Variants in GML observed in about 807,000 individuals in gnomAD.
GML encodes the protein glycosylphosphatidylinositol anchored molecule like.
In GML, 5 loss-of-function variants were observed where a neutral mutation model predicts 8.2. The observed-to-expected ratio is 0.61, with a 90% CI of 0.32 to 1.28. GML has a LOEUF of 1.28. Ranked by LOEUF, GML falls within the 50% of genes most tolerant of loss-of-function variation. The probability of loss-of-function intolerance (pLI) is 0.06; values close to 1 mark genes in which losing one functional copy is unlikely to be tolerated. For synonymous variants in GML, 72 were observed against 69.0 expected (o/e 1.04, Z -0.22); for missense variants, 191 against 198.3 (o/e 0.96, Z 0.22).
intron 1 of GML, among the ~76,000 whole-genome samples, chr8:142,838,770 C>G (rs1213473793): frequency 6.6e-6 from 1 of 152,180 alleles, no homozygotes; most frequent in African/African-American, 2.4e-5. Context: ...CACCTTGGCC[C>G]TGGCTCTGTC....
chr8:142,841,090 G>A, intron 2 of GML, 28 bp from the exon 3 acceptor site: 5 of 1,054,896 alleles, frequency 4.7e-6, no homozygotes, highest in Non-Finnish European at 7.5e-6. Context: ...TGGAGCAGAA[G>A]CCTGAAGCCT....
At chr8:142,841,468 C>T (rs1439486345) in intron 3 of GML, among the ~76,000 whole-genome samples, 1 of 152,224 alleles carries the variant, frequency 6.6e-6, no homozygotes, top group Non-Finnish European at 1.5e-5. Context: ...TCTGCAGCGT[C>T]TCCAGGGGGT....
chr8:142,836,705 A>G (rs536918721), intron 1 of GML, among the ~76,000 whole-genome samples: 1 of 152,300 alleles, frequency 6.6e-6, no homozygotes, highest in Non-Finnish European at 1.5e-5. Context: ...TCCTCTCTCC[A>G]GGAGCCTGTG....
chr8:142,835,945 A>C (rs1380175264), intron 1 of GML, among the ~76,000 whole-genome samples: 1 of 152,238 alleles, frequency 6.6e-6, no homozygotes, highest in Non-Finnish European at 1.5e-5. Flanking sequence ...TATTTCTTGT[A>C]GTGGGTCTGC....
At position 142,841,190 on chromosome 8, in the gene GML, C is replaced by G. The variant is rs768613353; in HGVS notation, c.146C>G (p.Pro49Arg). Reference sequence around the variant, plus strand: ...AACTGTCCCAACATTAGAGTATGTCCGTATCATATTAGGCGCTGTATGACA... The same window carrying G: ...AACTGTCCCAACATTAGAGTATGTCGGTATCATATTAGGCGCTGTATGACA... ...DFNCPNIRVC[P>R]YHIRRCMTIS... is the part of the protein sequence containing the mutation. The change falls in exon 3 of 4, where the codon CCG becomes CGG. Residue 49 changes from proline (P) to arginine (R), a missense_variant. Pro to Arg is a moderately radical substitution (Grantham distance 103, BLOSUM62 -2). Transcript: ENST00000220940. 1 of 1,563,480 alleles carries G rather than the reference C, an allele frequency of 6.4e-7. No homozygotes were observed. Among genetic ancestry groups the G allele is most frequent in the East Asian group, 2.2e-5 (1 of 44,552 alleles).
Position 142,840,478 on chromosome 8 carries a change from T to C in GML, c.41T>C (p.Leu14Ser). ...TTACTCCTAGCCATGGAGCTCCCAT[T>C]GGTGGCAGCCAGTGCCACCATGCGC... is the stretch of plus-strand genomic sequence containing the variant. Reference protein sequence around the residue: ...FALLLAMELPLVAASATMRAQ... With the variant: ...FALLLAMELPSVAASATMRAQ... The change falls in exon 2 of 4, where the codon TTG becomes TCG. Residue 14 changes from leucine to serine, a missense_variant. By Grantham distance (145) the Leu-to-Ser change is moderately radical (BLOSUM62 -2). Coordinates refer to ENST00000220940, the MANE Select transcript of GML (RefSeq NM_002066.3). The C allele has an allele frequency of 1.2e-6, 2 of 1,613,592 alleles. No individual in the cohort carries two copies. The highest frequency in any genetic ancestry group is 1.7e-6 in the Non-Finnish European group (2 of 1,179,428).
intron 1 of GML, among the ~76,000 whole-genome samples, chr8:142,837,833 C>T (rs200839819): frequency 0.1 from 14,078 of 135,826 alleles, 936 homozygotes; most frequent in East Asian, 0.4. Flanking sequence ...TTCTACTTGG[C>T]CTTCTCTGAC....
chr8:142,843,134 A>G (rs898338937), intron 3 of GML, among the ~76,000 whole-genome samples: 3 of 152,174 alleles, frequency 2.0e-5, no homozygotes, highest in Non-Finnish European at 2.9e-5. Flanking sequence ...AAAGACCTCT[A>G]TGGAAAGAAA....
chr8:142,841,689 G>T (rs565626313), intron 3 of GML, among the ~76,000 whole-genome samples: 107 of 152,318 alleles, frequency 7.0e-4, no homozygotes, highest in African/African-American at 1.2e-3. Context: ...TGAGGTCAGG[G>T]CACAGCCTGC....
chr8:142,839,637 T>C (rs2130217368), intron 1 of GML, among the ~76,000 whole-genome samples: 1 of 152,276 alleles, frequency 6.6e-6, no homozygotes, highest in South Asian at 2.1e-4. Flanking sequence ...GAGATGGAGC[T>C]TCCCCCTTGA....
At chr8:142,835,238 AG>A (rs1816319030) in intron 1 of GML, among the ~76,000 whole-genome samples, 1 of 150,942 alleles carries the variant, frequency 6.6e-6, no homozygotes, top group Admixed American at 6.6e-5. Context: ...AACTATGCTC[AG>A]GGGTCCCAGG....
In GML at chr8:142,841,103, T is replaced by C. The variant is rs368880765; in HGVS notation, c.74-15T>C. 14 of 1,266,552 alleles carry C rather than the reference T, an allele frequency of 1.1e-5. No homozygotes were observed. Among genetic ancestry groups the C allele is most frequent in the Non-Finnish European group, 1.6e-5 (14 of 862,784 alleles). 78.5% of individuals were successfully genotyped at this position (1,266,552 alleles called of 1,614,324 possible). The stretch of plus-strand genomic sequence containing the variant: ...AGTGGAGCAGAAGCCTGAAGCCTGC[T>C]TTCTCCCCTCTCAGGGACTTACAGT... On this transcript the variant is annotated splice_polypyrimidine_tract_variant and intron_variant, in intron 2 of 3. Transcript: ENST00000220940.
In GML at chr8:142,841,157, A is replaced by G. The variant is rs1220536105; in HGVS notation, c.113A>G (p.Asn38Ser). The G allele has an allele frequency of 1.3e-6, 2 of 1,592,412 alleles. No homozygotes were observed. The highest frequency in any genetic ancestry group is 1.3e-5 in the African/African-American group (1 of 74,424). Residue 38 changes from asparagine (N) to serine (S), a missense_variant, in exon 3 of 4, where the codon AAT becomes AGT. Asn to Ser is a conservative substitution (Grantham distance 46). Coordinates refer to ENST00000220940, the MANE Select transcript of GML (RefSeq NM_002066.3). ...AGATGCCATGACTGTGCGGTCATAA[A>G]TGACTTCAACTGTCCCAACATTAGA... Reference protein sequence around the residue: ...SLRCHDCAVINDFNCPNIRVC... With the variant: ...SLRCHDCAVISDFNCPNIRVC...
At chr8:142,839,729 G>T (rs569443307) in intron 1 of GML, among the ~76,000 whole-genome samples, 1 of 152,186 alleles carries the variant, frequency 6.6e-6, no homozygotes, top group African/African-American at 2.4e-5. Flanking sequence ...GCGAGAAAAT[G>T]TCTCAGTTGT....
intron 1 of GML, among the ~76,000 whole-genome samples, chr8:142,837,055 A>T (rs1816350917): frequency 6.6e-6 from 1 of 152,168 alleles, no homozygotes; most frequent in Admixed American, 6.5e-5. Flanking sequence ...GCACTTTGGG[A>T]GGCTGAGGCA....
intron 1 of GML, among the ~76,000 whole-genome samples, chr8:142,838,841 C>T (rs62524968): frequency 0.32 from 48,389 of 152,048 alleles, 9,227 homozygotes; most frequent in Admixed American, 0.41. Flanking sequence ...AACCTGTGCC[C>T]GAGGAAATCA....
At chr8:142,845,630 G>A (rs1028968500) in intron 3 of GML, among the ~76,000 whole-genome samples, 28 of 152,156 alleles carry the variant, frequency 1.8e-4, no homozygotes, top group Non-Finnish European at 4.4e-5. Context: ...GAGGGCCAAG[G>A]TATTTAACCC....
At chr8:142,841,675 A>G (rs1816436432) in intron 3 of GML, among the ~76,000 whole-genome samples, 1 of 152,340 alleles carries the variant, frequency 6.6e-6, no homozygotes, top group African/African-American at 2.4e-5. Context: ...GGGAAGGACA[A>G]GCATGAGGTC....
chr8:142,835,273 C>T (rs1816319722), intron 1 of GML, among the ~76,000 whole-genome samples: 1 of 63,664 alleles, frequency 1.6e-5, no homozygotes, highest in South Asian at 5.9e-4. Context: ...CCCAACTCCG[C>T]TTCCCTGGGG....
Sources: allele counts gnomAD v4.1 joint callset (sites outside exome capture counted in the v4.1 genomes callset), GRCh38; gene constraint gnomAD v4.1.1; transcripts MANE v1.5; gene names NCBI Gene and HGNC (gene_info 2026-07-23, HGNC 2026-07-21).